Variants in TACC2 observed in about 807,000 individuals in gnomAD.
TACC2 encodes transforming acidic coiled-coil containing protein 2.
In TACC2, 137 loss-of-function variants were observed where a neutral mutation model predicts 227.3. The observed-to-expected ratio is 0.60, with a 90% confidence interval of 0.52 to 0.69. The LOEUF (loss-of-function observed/expected upper bound fraction) is 0.69. TACC2 is among the 30% of genes least tolerant of loss of function. The pLI, the probability that TACC2 is intolerant of heterozygous loss-of-function variation, is 0.00. For synonymous variants in TACC2, 1,523 were observed against 1,487.5 expected, an observed-to-expected ratio of 1.02 and a Z score of -0.55; for missense variants, 3,470 against 3,694.4, an observed-to-expected ratio of 0.94 and a Z score of 1.57.
chr10:122,226,404 T>C lies in TACC2; in HGVS notation c.7647T>C (p.Leu2549=). The C allele has an allele frequency of 6.2e-7, 1 of 1,614,106 alleles. No homozygotes were observed. Among genetic ancestry groups the C allele is most frequent in the South Asian group, 1.1e-5 (1 of 91,058 alleles). The change falls in exon 13 of 23, where the codon CTT becomes CTC. Residue 2549 remains leucine, a synonymous_variant. Coordinates refer to ENST00000369005, the MANE Select transcript of TACC2 (RefSeq NM_206862.4). ...DDAPKKQALY[L]MFDTSQESPV... is the part of the protein sequence containing the mutation. ...CCCCGAAGAAGCAGGCCTTGTACCT[T>C]ATGTTTGACACTTCTCAGGAGAGCC...
In TACC2 at chr10:122,195,122, C is replaced by G. The variant is rs776893320; in HGVS notation, c.5917C>G (p.Pro1973Ala). The G allele has an allele frequency of 2.5e-6, 4 of 1,613,418 alleles. No homozygotes were observed. The highest frequency in any genetic ancestry group is 2.7e-5 in the African/African-American group (2 of 74,898). The change falls in exon 8 of 23, where the codon CCC becomes GCC. Residue 1973 changes from proline (P) to alanine (A), a missense_variant. Around this residue, in one of 10 missense-constraint regions of TACC2, gnomAD observed 593 missense variants for 636.6 expected, o/e 0.93. Transcript: ENST00000369005. ...TCCGCCAGCTCCACCCCCACCACCC[C>G]CCGAAGTCATCCCAGAACCCGAGGT... ...KAPPAPPPPPPEVIPEPEVST... is the reference protein window; with the variant it reads ...KAPPAPPPPPAEVIPEPEVST...
intron 3 of TACC2, among the ~76,000 whole-genome samples, chr10:122,075,383 G>A (rs1213366050): frequency 3.9e-5 from 6 of 152,124 alleles, no homozygotes; most frequent in South Asian, 4.2e-4. Flanking sequence ...GCAAATAGCT[G>A]CGAGAGGAGA....
chr10:122,112,850 C>T (rs2083862818), intron 5 of TACC2, among the ~76,000 whole-genome samples: 2 of 152,064 alleles, frequency 1.3e-5, no homozygotes, highest in African/African-American at 4.8e-5. Context: ...CGGCCGCGGG[C>T]CCCTCGGTGC....
chr10:122,115,970 A>G (rs112698648), intron 5 of TACC2, among the ~76,000 whole-genome samples: 1,694 of 152,132 alleles, frequency 0.011, 30 homozygotes, highest in African/African-American at 0.039. Context: ...TCCCCTTGTG[A>G]CCAAGGTCTG....
In TACC2 at chr10:122,122,470, G is replaced by C. The variant is rs191335762; in HGVS notation, c.5574-10139G>C. Among the ~76,000 whole-genome samples, 4 of 148,928 alleles carry C rather than the reference G, an allele frequency of 2.7e-5. No individual in the cohort carries two copies. The East Asian group carries it at 8.0e-4, about 30-fold the overall frequency. Reference sequence around the variant, plus strand: ...ATACCATACACATATAAGTAACTAAGTATTTTTTTAAAAATAATTCCTTTT... The same window carrying C: ...ATACCATACACATATAAGTAACTAACTATTTTTTTAAAAATAATTCCTTTT... On this transcript the variant is annotated intron_variant, in intron 5 of 22. Coordinates refer to ENST00000369005, the MANE Select transcript of TACC2 (RefSeq NM_206862.4).
chr10:122,248,506 G>A (rs1261092159), intron 19 of TACC2, 137 bp from the exon 20 acceptor site: 7 of 1,031,318 alleles, frequency 6.8e-6, no homozygotes, highest in South Asian at 5.9e-5. Flanking sequence ...TGGGGCGTGG[G>A]TTCGTCCCAA....
chr10:122,155,575 G>A (rs1276419225), intron 7 of TACC2, among the ~76,000 whole-genome samples: 1 of 152,158 alleles, frequency 6.6e-6, no homozygotes, highest in Admixed American at 6.5e-5. Context: ...TGAGGGTGTT[G>A]GCTCTTTCTT....
At chr10:122,047,030 C>T (rs932800289) in intron 2 of TACC2, among the ~76,000 whole-genome samples, 1 of 151,754 alleles carries the variant, frequency 6.6e-6, no homozygotes, top group Non-Finnish European at 1.5e-5. Context: ...TGTGGTGGCA[C>T]CTGTAATTCC....
chr10:122,098,744 A>C (rs2137534658), intron 5 of TACC2, among the ~76,000 whole-genome samples: 2 of 152,340 alleles, frequency 1.3e-5, no homozygotes, highest in South Asian at 2.1e-4. Flanking sequence ...CTTAAGGTAG[A>C]TTAATGGTAG....
At chr10:122,203,680 A>G (rs2094976187) in intron 8 of TACC2, among the ~76,000 whole-genome samples, 2 of 141,240 alleles carry the variant, frequency 1.4e-5, no homozygotes, top group Admixed American at 1.4e-4. Flanking sequence ...CAGACTGGGC[A>G]GCCAGGCAGA....
chr10:122,008,264 A>ATTATTATT, intron 1 of TACC2, among the ~76,000 whole-genome samples: 190 of 134,656 alleles, frequency 1.4e-3, no homozygotes, highest in African/African-American at 4.1e-3. Context: ...TATTATTATT[A>ATTATTATT]TTTTTTTTTT....
chr10:122,142,296 T>C (rs556315106), intron 6 of TACC2, among the ~76,000 whole-genome samples: 1 of 152,348 alleles, frequency 6.6e-6, no homozygotes, highest in African/African-American at 2.4e-5. Flanking sequence ...GTATCCCCTC[T>C]GCCTGCTGTG....
chr10:122,092,232 G>C (rs2080899983), intron 5 of TACC2, among the ~76,000 whole-genome samples: 1 of 152,200 alleles, frequency 6.6e-6, no homozygotes, highest in African/African-American at 2.4e-5. Flanking sequence ...AATGGCTGAG[G>C]AGAGTGAATT....
At chr10:122,166,336 A>G (rs767665544) in intron 7 of TACC2, among the ~76,000 whole-genome samples, 25 of 152,186 alleles carry the variant, frequency 1.6e-4, no homozygotes, top group African/African-American at 5.1e-4. Context: ...TTTCCTTCCA[A>G]TTGCAGGTTT....
At chr10:122,088,381 A>G in intron 4 of TACC2, 97 bp from the exon 5 acceptor site, 1 of 1,206,770 alleles carries the variant, frequency 8.3e-7, no homozygotes, top group Non-Finnish European at 1.1e-6. Flanking sequence ...TAGCCACTTA[A>G]AACTTTAATT....
At position 122,083,663 on chromosome 10, in the gene TACC2, T is replaced by C. The variant is rs2079787645; in HGVS notation, c.1163T>C (p.Val388Ala). 1 of 1,611,564 alleles carries C rather than the reference T, an allele frequency of 6.2e-7. No individual in the cohort carries two copies. The highest frequency in any genetic ancestry group is 8.5e-7 in the Non-Finnish European group (1 of 1,180,044). ...ATGCGAGGAACCAAGCCCAATCAAG[T>C]TGTCTGTGTGGCAGCAGGCGGCCAG... The part of the protein sequence containing the change: ...TGMRGTKPNQ[V>A]VCVAAGGQPE... Residue 388 changes from valine (V) to alanine (A), a missense_variant, in exon 4 of 23, where the codon GTT becomes GCT. Around this residue, in one of 10 missense-constraint regions of TACC2, gnomAD observed 1,924 missense variants for 1,978.3 expected, o/e 0.97. Coordinates refer to ENST00000369005, the MANE Select transcript of TACC2 (RefSeq NM_206862.4).
At chr10:122,075,578 G>A (rs11200381) in intron 3 of TACC2, among the ~76,000 whole-genome samples, 27,851 of 152,152 alleles carry the variant, frequency 0.18, 2,645 homozygotes, top group African/African-American at 0.22. Flanking sequence ...GAACTCAGAA[G>A]TGTTGGGAAA....
intron 3 of TACC2, 132 bp from the exon 4 acceptor site, chr10:122,082,515 G>A (rs1299049576): frequency 2.0e-5 from 19 of 942,866 alleles, no homozygotes; most frequent in Non-Finnish European, 3.0e-5. Flanking sequence ...GGAATGAGCT[G>A]CATGAGGATG....
intron 5 of TACC2, among the ~76,000 whole-genome samples, chr10:122,119,233 T>C (rs2085272096): frequency 6.6e-6 from 1 of 152,216 alleles, no homozygotes; most frequent in Non-Finnish European, 1.5e-5. Context: ...AGTAATGCAT[T>C]TATCTCCATT....
Sources: allele counts gnomAD v4.1 joint callset (sites outside exome capture counted in the v4.1 genomes callset), GRCh38; gene constraint gnomAD v4.1.1; regional missense constraint gnomAD v4.1.1; transcripts MANE v1.5; gene names NCBI Gene and HGNC (gene_info 2026-07-23, HGNC 2026-07-21).